The following DRD3 variants were observed in gnomAD, a reference collection of about 807,000 sequenced individuals.
DRD3 encodes dopamine receptor D3.
Under a neutral mutation model 36.3 loss-of-function variants are expected in DRD3, and 19 were observed. The observed-to-expected ratio is 0.52, with a 90% confidence interval of 0.36 to 0.77. The LOEUF (loss-of-function observed/expected upper bound fraction) is 0.77, where lower values mean the gene tolerates loss of function less well. DRD3 is among the 30% of genes least tolerant of loss of function. DRD3 has a pLI of 0.00. For synonymous variants in DRD3, 195 were observed against 203.7 expected, an observed-to-expected ratio of 0.96 and a Z score of 0.36; for missense variants, 465 against 505.3, an observed-to-expected ratio of 0.92 and a Z score of 0.77.
chr3:114,148,377 T>C (rs1217644999), intron 3 of DRD3, among the ~76,000 whole-genome samples: 1 of 152,218 alleles, frequency 6.6e-6, no homozygotes, highest in Non-Finnish European at 1.5e-5. Flanking sequence ...AAGTAGTAGA[T>C]GTTTTAAAAA....
chr3:114,185,186 A>T (rs2077968864), intron 1 of DRD3, among the ~76,000 whole-genome samples: 1 of 152,178 alleles, frequency 6.6e-6, no homozygotes, highest in East Asian at 1.9e-4. Flanking sequence ...TTCTTCAAAT[A>T]TTCTCCTTAC....
chr3:114,188,059 C>T (rs2077985000), intron 1 of DRD3, among the ~76,000 whole-genome samples: 1 of 152,040 alleles, frequency 6.6e-6, no homozygotes. Context: ...CTTGGAGAAT[C>T]AAGTTTATTA....
At chr3:114,158,216 A>G (rs1361426106) in intron 3 of DRD3, among the ~76,000 whole-genome samples, 1 of 151,730 alleles carries the variant, frequency 6.6e-6, no homozygotes, top group Non-Finnish European at 1.5e-5. Flanking sequence ...GTTTGAGACC[A>G]GCCTGGACAA....
At chr3:114,193,009 G>T (rs971364588) in intron 1 of DRD3, among the ~76,000 whole-genome samples, 16 of 152,202 alleles carry the variant, frequency 1.1e-4, no homozygotes, top group Non-Finnish European at 2.2e-4. Flanking sequence ...GCCGGGCCTG[G>T]TGGGTCATGC....
intron 3 of DRD3, among the ~76,000 whole-genome samples, chr3:114,156,863 TTC>T (rs1185102390): frequency 3.2e-4 from 2 of 6,164 alleles, no homozygotes; most frequent in East Asian, 0.011. Flanking sequence ...CTTTCTTCCT[TTC>T]TTTCTTTTTC....
Position 114,159,843 on chromosome 3 carries a change from T to C in DRD3, c.295A>G (p.Ser99Gly). The C allele has an allele frequency of 6.2e-7, 1 of 1,614,142 alleles. No homozygotes were observed. The change falls in exon 3 of 7, where the codon AGC (serine) becomes GGC (glycine). Residue 99 changes from serine to glycine, a missense_variant. Ser to Gly is a moderately conservative substitution (Grantham distance 56). Transcript: ENST00000383673. ...LEVTGGVWNFSRICCDVFVTL... is the reference protein window; with the variant it reads ...LEVTGGVWNFGRICCDVFVTL... ...ACAAAAACATCACAGCAAATGCGGC[T>C]GAAATTCCAGACTCCACCTGTCACC... is the stretch of plus-strand genomic sequence containing the variant.
chr3:114,194,628 G>A (rs2078027582), intron 1 of DRD3, among the ~76,000 whole-genome samples: 1 of 152,162 alleles, frequency 6.6e-6, no homozygotes, highest in Admixed American at 6.6e-5. Flanking sequence ...TCTCAAAGAT[G>A]TGTTGAGCAT....
chr3:114,159,943 C>G, intron 2 of DRD3, 76 bp from the exon 3 acceptor site: 1 of 1,290,276 alleles, frequency 7.8e-7, no homozygotes, highest in Non-Finnish European at 1.1e-6. Flanking sequence ...ATTTTCTTTG[C>G]TTTGCTGCCT....
chr3:114,195,980 C>A (rs2078034025), intron 1 of DRD3, among the ~76,000 whole-genome samples: 1 of 152,162 alleles, frequency 6.6e-6, no homozygotes, highest in Admixed American at 6.5e-5. Flanking sequence ...CAAAAGTATA[C>A]AGAACCAGGG....
chr3:114,194,385 C>T (rs147495047), intron 1 of DRD3, among the ~76,000 whole-genome samples: 3 of 152,110 alleles, frequency 2.0e-5, no homozygotes, highest in African/African-American at 2.4e-5. Flanking sequence ...TAGGTTCAGG[C>T]GATCCTCCTG....
intron 3 of DRD3, among the ~76,000 whole-genome samples, chr3:114,156,763 C>CTT (rs1216299028): frequency 1.5e-3 from 156 of 102,020 alleles, no homozygotes; most frequent in Middle Eastern, 4.8e-3. Flanking sequence ...TTCTTTCTTT[C>CTT]TTTCTTTCTT....
intron 3 of DRD3, among the ~76,000 whole-genome samples, chr3:114,151,917 G>A (rs1025264921): frequency 2.0e-5 from 3 of 152,200 alleles, no homozygotes; most frequent in Admixed American, 1.3e-4. Flanking sequence ...CACTGCGTGC[G>A]CCCACAACTG....
intron 4 of DRD3, among the ~76,000 whole-genome samples, chr3:114,141,892 A>G (rs956362723): frequency 6.6e-6 from 1 of 152,036 alleles, no homozygotes; most frequent in Non-Finnish European, 1.5e-5. Context: ...TCTACTAAAA[A>G]TACAAAAGTT....
chr3:114,129,067 G>A (rs573894967), intron 6 of DRD3, among the ~76,000 whole-genome samples, 155 bp from the exon 7 acceptor site: 1 of 152,308 alleles, frequency 6.6e-6, no homozygotes, highest in East Asian at 1.9e-4. Flanking sequence ...CCTAGGCCGG[G>A]TGTGGTGGCT....
chr3:114,170,914 GTTT>G (rs1427620747), intron 2 of DRD3, among the ~76,000 whole-genome samples: 2 of 152,086 alleles, frequency 1.3e-5, no homozygotes, highest in African/African-American at 4.8e-5. Context: ...GTAATTGCAT[GTTT>G]TCCTGGTAAG....
intron 3 of DRD3, among the ~76,000 whole-genome samples, chr3:114,154,333 GTGTGTGTGTGTGTA>G (rs1297554227): frequency 6.6e-6 from 1 of 151,910 alleles, no homozygotes; most frequent in Admixed American, 6.6e-5. Flanking sequence ...AGATGTGTGT[GTGTGTGTGTGTGTA>G]TGTGTGTGTG....
chr3:114,164,868 C>T (rs1429486762), intron 2 of DRD3, among the ~76,000 whole-genome samples: 2 of 152,246 alleles, frequency 1.3e-5, no homozygotes, highest in African/African-American at 2.4e-5. Flanking sequence ...TCTCCTGCCT[C>T]AGCCTCCCAA....
At chr3:114,158,824 T>G (rs1481201041) in intron 3 of DRD3, among the ~76,000 whole-genome samples, 1 of 152,026 alleles carries the variant, frequency 6.6e-6, no homozygotes, top group Non-Finnish European at 1.5e-5. Context: ...ATGGATGATA[T>G]TACTGGGAGA....
intron 4 of DRD3, among the ~76,000 whole-genome samples, chr3:114,147,009 T>C (rs2077575124): frequency 6.6e-6 from 1 of 152,222 alleles, no homozygotes; most frequent in Non-Finnish European, 1.5e-5. Context: ...GTATATATCC[T>C]ACTATAAGAC....
Sources: allele counts gnomAD v4.1 joint callset (sites outside exome capture counted in the v4.1 genomes callset), GRCh38; gene constraint gnomAD v4.1.1; transcripts MANE v1.5; gene names NCBI Gene and HGNC (gene_info 2026-07-23, HGNC 2026-07-21).